The following GABRA1 variants were observed in gnomAD, a reference collection of about 807,000 sequenced individuals.
GABRA1 encodes gamma-aminobutyric acid receptor subunit alpha-1.
GABRA1 carries 9 observed loss-of-function variants against 48.9 expected under a neutral mutation model. The ratio of observed to expected loss-of-function variants is 0.18; its 90% CI spans 0.11 to 0.32. GABRA1 has a LOEUF of 0.32. Among genes scored for constraint, GABRA1 ranks in the 10% least tolerant of loss-of-function variants. GABRA1 has a pLI of 1.00. For missense variants in GABRA1, 285 were observed against 553.8 expected, an observed-to-expected ratio of 0.51 and a Z score of 4.87; for synonymous variants, 210 against 198.7, an observed-to-expected ratio of 1.06 and a Z score of -0.48.
At chr5:161,879,783 G>C (rs1754532410) in intron 6 of GABRA1, among the ~76,000 whole-genome samples, 1 of 151,996 alleles carries the variant, frequency 6.6e-6, no homozygotes, top group African/African-American at 2.4e-5. Context: ...CATATGCAAT[G>C]GTGCTTCTAT....
At chr5:161,850,475 A>G in intron 1 of GABRA1, 2 of 496,688 alleles carry the variant, frequency 4.0e-6, no homozygotes, top group Non-Finnish European at 7.0e-6. Context: ...AAGAGAATAA[A>G]CCAAACTATA....
At chr5:161,883,905 G>C (rs890761316) in intron 7 of GABRA1, among the ~76,000 whole-genome samples, 1 of 151,888 alleles carries the variant, frequency 6.6e-6, no homozygotes, top group African/African-American at 2.4e-5. Context: ...AATGGAAACT[G>C]TTTCTCTTTT....
intron 2 of GABRA1, among the ~76,000 whole-genome samples, chr5:161,851,115 CA>C (rs1191196005): frequency 6.6e-6 from 1 of 152,116 alleles, no homozygotes; most frequent in Non-Finnish European, 1.5e-5. Context: ...ATTAATTCAA[CA>C]TTTAAGTCTT....
chr5:161,893,423 A>G (rs532117183), intron 8 of GABRA1, among the ~76,000 whole-genome samples: 3 of 152,278 alleles, frequency 2.0e-5, no homozygotes, highest in South Asian at 4.1e-4. Context: ...ACATGTTTCT[A>G]TGCTTTTTAG....
At chr5:161,855,075 A>G (rs1029320835) in intron 3 of GABRA1, among the ~76,000 whole-genome samples, 2 of 151,598 alleles carry the variant, frequency 1.3e-5, no homozygotes, top group African/African-American at 2.4e-5. Flanking sequence ...CAGAAAACCA[A>G]GGTTAGAATC....
At chr5:161,860,294 C>A (rs1006412352) in intron 3 of GABRA1, among the ~76,000 whole-genome samples, 2 of 151,816 alleles carry the variant, frequency 1.3e-5, no homozygotes, top group African/African-American at 2.4e-5. Flanking sequence ...CTGATCAGTG[C>A]CAATATTTTC....
intron 4 of GABRA1, among the ~76,000 whole-genome samples, chr5:161,868,516 C>T (rs1328253455): frequency 1.3e-5 from 2 of 152,124 alleles, no homozygotes; most frequent in Non-Finnish European, 2.9e-5. Flanking sequence ...ACAGAAATTT[C>T]CTTTTTCTCA....
Position 161,859,968 on chromosome 5 carries a change from G to A in GABRA1, c.187+5698G>A, listed in dbSNP as rs79461293. Among the ~76,000 whole-genome samples the A allele has an allele frequency of 2.8e-3, 425 of 151,692 alleles. 4 individuals carry two copies. Among genetic ancestry groups the A allele is most frequent in the Non-Finnish European group, 4.5e-3 (304 of 67,788 alleles). On this transcript the variant is annotated intron_variant, in intron 3 of 9. Coordinates refer to ENST00000393943, the MANE Select transcript of GABRA1 (RefSeq NM_001127644.2). ...AATCCTTCCTTTTGAATTTGCTGTC[G>A]TTTTCTCTGTGGCTTTTAATGCAAG... is the stretch of plus-strand genomic sequence containing the variant.
intron 4 of GABRA1, among the ~76,000 whole-genome samples, chr5:161,866,205 A>C (rs1753836145): frequency 6.6e-6 from 1 of 152,088 alleles, no homozygotes; most frequent in South Asian, 2.1e-4. Context: ...GCTACTAAAA[A>C]CTAAAAGGAA....
chr5:161,872,614 G>A (rs1476667824), intron 4 of GABRA1, among the ~76,000 whole-genome samples: 1 of 152,072 alleles, frequency 6.6e-6, no homozygotes, highest in Non-Finnish European at 1.5e-5. Flanking sequence ...AAAAAAAGAT[G>A]GAATTTTTAC....
chr5:161,880,916 G>T (rs951589950), intron 6 of GABRA1, among the ~76,000 whole-genome samples: 1 of 152,142 alleles, frequency 6.6e-6, no homozygotes, highest in African/African-American at 2.4e-5. Context: ...AGTGGGGATT[G>T]GGTCAAACAG....
In GABRA1 at chr5:161,863,789, T is replaced by C. The variant is rs192710454; in HGVS notation, c.188-1932T>C. Among the ~76,000 whole-genome samples the C allele has an allele frequency of 3.0e-3, 456 of 152,028 alleles. 1 individual carries two copies. The highest frequency in any genetic ancestry group is 4.8e-3 in the Admixed American group (73 of 15,234). ...AACAACATAATGTATTATATAGTTA[T>C]ATACGCCTCAAGCGTACCCTACAGC... On this transcript the variant is annotated intron_variant, in intron 3 of 9. Transcript: ENST00000393943.
intron 5 of GABRA1, 47 bp downstream of exon 5, chr5:161,873,384 C>T: frequency 7.7e-6 from 11 of 1,433,388 alleles, no homozygotes; most frequent in Non-Finnish European, 1.1e-5. Flanking sequence ...GTACTTCATT[C>T]CCTTCCACTT....
intron 4 of GABRA1, among the ~76,000 whole-genome samples, chr5:161,872,592 G>A (rs1416576539): frequency 6.6e-6 from 1 of 152,142 alleles, no homozygotes; most frequent in South Asian, 2.1e-4. Flanking sequence ...TGAAAAAAAT[G>A]TTTATTTCGC....
chr5:161,855,671 C>T (rs574618761), intron 3 of GABRA1, among the ~76,000 whole-genome samples: 13 of 150,910 alleles, frequency 8.6e-5, no homozygotes, highest in South Asian at 4.2e-4. Context: ...ATAAAATTTG[C>T]GATAAATTAC....
Position 161,858,955 on chromosome 5 carries a change from G to A in GABRA1, c.187+4685G>A, listed in dbSNP as rs140992798. Among the ~76,000 whole-genome samples the A allele has an allele frequency of 2.0e-5, 3 of 151,852 alleles. No individual in the cohort carries two copies. The East Asian group carries it at 5.8e-4, about 29-fold the overall frequency. On this transcript the variant is annotated intron_variant, in intron 3 of 9. Coordinates refer to ENST00000393943, the MANE Select transcript of GABRA1 (RefSeq NM_001127644.2). Reference sequence around the variant, plus strand: ...AGAGATGATTGTGTATTCCTAAAACGACAAATCCTGAGAGAAGAGTGGAGA... The same window carrying A: ...AGAGATGATTGTGTATTCCTAAAACAACAAATCCTGAGAGAAGAGTGGAGA...
intron 6 of GABRA1, among the ~76,000 whole-genome samples, chr5:161,880,226 AC>A (rs1342602876): frequency 6.6e-6 from 1 of 152,140 alleles, no homozygotes; most frequent in African/African-American, 2.4e-5. Flanking sequence ...AAACTCTATG[AC>A]TTTTGAGGCA....
chr5:161,853,186 A>G (rs536363289), intron 2 of GABRA1, among the ~76,000 whole-genome samples: 13 of 152,054 alleles, frequency 8.5e-5, no homozygotes, highest in African/African-American at 3.1e-4. Flanking sequence ...CACATAAAAT[A>G]TGATTCAAGG....
chr5:161,882,541 C>T lies in GABRA1; in HGVS notation c.560-17C>T, dbSNP rs775553787. The stretch of plus-strand genomic sequence containing the variant: ...AGTGGTAAAATATATGGATCATTTT[C>T]TACTGTTTCCTTTTAGATGCTTATA... On this transcript the variant is annotated splice_polypyrimidine_tract_variant and intron_variant, in intron 6 of 9. Coordinates refer to ENST00000393943, the MANE Select transcript of GABRA1 (RefSeq NM_001127644.2). The T allele has an allele frequency of 1.4e-5, 22 of 1,610,730 alleles. No homozygotes were observed. In the Middle Eastern group the frequency reaches 8.2e-4, roughly 60 times the overall value.
Sources: gnomAD v4.1 joint callset for allele counts (sites outside exome capture counted in the v4.1 genomes callset) on GRCh38, gnomAD v4.1.1 for gene constraint, MANE v1.5 for transcripts, NCBI Gene and HGNC (gene_info 2026-07-23, HGNC 2026-07-21) for gene names.